Variants in RANBP17 observed in about 807,000 individuals in gnomAD.
RANBP17 encodes ran-binding protein 17.
Under a neutral mutation model 141.2 loss-of-function variants are expected in RANBP17, and 158 were observed. The ratio of observed to expected loss-of-function variants is 1.12; its 90% CI spans 0.98 to 1.28. The LOEUF (loss-of-function observed/expected upper bound fraction) is 1.28, where lower values mean the gene tolerates loss of function less well. Among genes scored for constraint, RANBP17 ranks in the 50% most tolerant of loss-of-function variants. RANBP17 has a pLI of 0.00. For synonymous variants in RANBP17, 430 were observed against 450.0 expected (o/e 0.96, Z 0.56); for missense variants, 1,438 against 1,290.7 (o/e 1.11, Z -1.75).
At chr5:171,073,080 G>GT (rs1434761875) in intron 14 of RANBP17, among the ~76,000 whole-genome samples, 3 of 152,142 alleles carry the variant, frequency 2.0e-5, no homozygotes, top group African/African-American at 7.2e-5. Context: ...CAAAAGGGGT[G>GT]TGATAGAACT....
chr5:171,287,131 T>C (rs1354466404), intron 25 of RANBP17, among the ~76,000 whole-genome samples: 1 of 152,228 alleles, frequency 6.6e-6, no homozygotes, highest in African/African-American at 2.4e-5. Context: ...AAGGACAATC[T>C]AGCTTGGTCA....
intron 14 of RANBP17, among the ~76,000 whole-genome samples, chr5:171,076,346 A>G (rs570270701): frequency 6.6e-5 from 10 of 152,338 alleles, no homozygotes; most frequent in African/African-American, 2.4e-4. Context: ...AGTTTCAGTC[A>G]ATATCCTGAA....
At chr5:170,914,791 A>G (rs3843903) in intron 8 of RANBP17, among the ~76,000 whole-genome samples, 91,255 of 152,012 alleles carry the variant, frequency 0.6, 29,160 homozygotes, top group South Asian at 0.89. Flanking sequence ...GTTGTATACA[A>G]CTTTGAGACT....
chr5:171,048,249 ATCT>A (rs1327044375), intron 14 of RANBP17, among the ~76,000 whole-genome samples: 3 of 152,008 alleles, frequency 2.0e-5, no homozygotes, highest in Non-Finnish European at 4.4e-5. Context: ...TTGTAGAGAC[ATCT>A]TCTTTCTCTG....
At chr5:170,925,922 C>T (rs1279011708) in intron 12 of RANBP17, among the ~76,000 whole-genome samples, 2 of 152,038 alleles carry the variant, frequency 1.3e-5, no homozygotes, top group African/African-American at 2.4e-5. Flanking sequence ...TTGAATGTAC[C>T]TCAGTTTATT....
intron 14 of RANBP17, among the ~76,000 whole-genome samples, chr5:171,033,976 G>A (rs1781711619): frequency 6.6e-6 from 1 of 152,116 alleles, no homozygotes; most frequent in African/African-American, 2.4e-5. Flanking sequence ...GCTGGGCATG[G>A]TGGCGCATTC....
At chr5:170,894,677 C>CT (rs925617135) in intron 4 of RANBP17, among the ~76,000 whole-genome samples, 1 of 151,796 alleles carries the variant, frequency 6.6e-6, no homozygotes, top group African/African-American at 2.4e-5. Context: ...TGTGCATTCT[C>CT]TTTTTTCTAT....
At chr5:171,256,113 T>C (rs1389020764) in intron 24 of RANBP17, among the ~76,000 whole-genome samples, 2 of 152,216 alleles carry the variant, frequency 1.3e-5, no homozygotes, top group African/African-American at 4.8e-5. Flanking sequence ...ACATAACTAC[T>C]CTTGATACTT....
intron 21 of RANBP17, among the ~76,000 whole-genome samples, chr5:171,218,877 T>C (rs1371087394): frequency 2.0e-5 from 3 of 152,178 alleles, no homozygotes; most frequent in Non-Finnish European, 4.4e-5. Context: ...TGTCCTTTAA[T>C]TGGGGCATTC....
At chr5:171,019,658 T>C (rs779322674) in intron 14 of RANBP17, among the ~76,000 whole-genome samples, 49 of 152,238 alleles carry the variant, frequency 3.2e-4, no homozygotes, top group Non-Finnish European at 5.7e-4. Flanking sequence ...TTTTCTTCTT[T>C]ATTAGTCTAG....
chr5:171,131,886 T>C (rs1756946315), intron 14 of RANBP17, among the ~76,000 whole-genome samples: 1 of 152,228 alleles, frequency 6.6e-6, no homozygotes, highest in African/African-American at 2.4e-5. Context: ...CTCATTAGAT[T>C]GAACCTAGTA....
intron 14 of RANBP17, among the ~76,000 whole-genome samples, chr5:171,070,899 A>G (rs746975534): frequency 1.3e-5 from 2 of 152,062 alleles, no homozygotes; most frequent in Non-Finnish European, 2.9e-5. Context: ...TGAAAGTCCC[A>G]TTTGTTTAAC....
chr5:171,060,693 G>A (rs1783767381), intron 14 of RANBP17, among the ~76,000 whole-genome samples: 1 of 151,928 alleles, frequency 6.6e-6, no homozygotes, highest in South Asian at 2.1e-4. Flanking sequence ...GAGTTAGGGA[G>A]GATTCCCTCT....
At chr5:170,901,617 G>A (rs921987462) in intron 5 of RANBP17, among the ~76,000 whole-genome samples, 5 of 152,134 alleles carry the variant, frequency 3.3e-5, no homozygotes, top group East Asian at 1.9e-4. Context: ...TCATAGTGTC[G>A]ATGGTCTTTA....
chr5:170,974,025 C>T (rs979682425), intron 14 of RANBP17, among the ~76,000 whole-genome samples: 1 of 152,192 alleles, frequency 6.6e-6, no homozygotes, highest in Non-Finnish European at 1.5e-5. Flanking sequence ...TAGCATTTCA[C>T]ATTTGCCCCA....
At chr5:170,996,759 A>G (rs1012981979) in intron 14 of RANBP17, among the ~76,000 whole-genome samples, 1 of 152,146 alleles carries the variant, frequency 6.6e-6, no homozygotes, top group Admixed American at 6.6e-5. Context: ...TATCTTTCTC[A>G]ACTATATGAA....
intron 24 of RANBP17, among the ~76,000 whole-genome samples, chr5:171,249,590 C>G (rs112079638): frequency 2.6e-5 from 4 of 152,068 alleles, no homozygotes; most frequent in Admixed American, 1.3e-4. Context: ...AATAGAAATT[C>G]TGGAACTGAA....
chr5:171,180,109 C>T (rs946257497), intron 16 of RANBP17, among the ~76,000 whole-genome samples: 2 of 152,146 alleles, frequency 1.3e-5, no homozygotes, highest in African/African-American at 2.4e-5. Context: ...GGGTTACTGC[C>T]AGCCAGACTA....
chr5:170,913,188 A>G (rs891221144), intron 7 of RANBP17, among the ~76,000 whole-genome samples: 11 of 152,054 alleles, frequency 7.2e-5, no homozygotes, highest in African/African-American at 2.4e-4. Flanking sequence ...TGCTCTAAGG[A>G]AGCTACTTGA....
Sources: gnomAD v4.1 joint callset for allele counts (sites outside exome capture counted in the v4.1 genomes callset) on GRCh38, gnomAD v4.1.1 for gene constraint, MANE v1.5 for transcripts, NCBI Gene and HGNC (gene_info 2026-07-23, HGNC 2026-07-21) for gene names.